CACUL1: variants seen among roughly 807,000 people sequenced by gnomAD.
The protein encoded by CACUL1 is CDK2-associated and cullin domain-containing protein 1.
Under a neutral mutation model 45.2 loss-of-function variants are expected in CACUL1, and 13 were observed. The ratio of observed to expected loss-of-function variants is 0.29; its 90% confidence interval spans 0.19 to 0.46. The LOEUF is 0.46. Ranked by LOEUF, CACUL1 falls within the 20% of genes least tolerant of loss-of-function variation. CACUL1 has a pLI of 1.00. For missense variants in CACUL1, 421 were observed against 471.4 expected, an observed-to-expected ratio of 0.89 and a Z score of 0.99; for synonymous variants, 197 against 174.2, an observed-to-expected ratio of 1.13 and a Z score of -1.03.
In CACUL1 at chr10:118,685,394, C is replaced by T. The variant is rs907683079; in HGVS notation, c.*734G>A. The stretch of plus-strand genomic sequence containing the variant: ...AATCCGACCCATGTGCAAAAGGTTT[C>T]TATTTTCCCACTTAATTAGCATCCT... On this transcript the variant is annotated 3_prime_UTR_variant, in exon 9 of 9. Transcript: ENST00000369151. 1 of 126,440 alleles carries T rather than the reference C, an allele frequency of 7.9e-6. No individual in the cohort carries two copies. Among genetic ancestry groups the T allele is most frequent in the Non-Finnish European group, 1.8e-5 (1 of 55,650 alleles). 7.8% of individuals were successfully genotyped at this position (126,440 alleles called of 1,614,324 possible). A position where few individuals can be genotyped will look rare whatever the true frequency, so the allele number is the denominator to read the frequency against.
intron 3 of CACUL1, among the ~76,000 whole-genome samples, chr10:118,715,805 G>A (rs1192945233): frequency 6.6e-6 from 1 of 152,132 alleles, no homozygotes; most frequent in Non-Finnish European, 1.5e-5. Flanking sequence ...ATAAGTAAGT[G>A]ACTTTTGCAT....
rs1845196718 is a variant in CACUL1 at position 118,685,628 on chromosome 10, C to T, written c.*500G>A. The T allele has an allele frequency of 6.6e-6, 1 of 152,596 alleles. No homozygotes were observed. The highest frequency in any genetic ancestry group is 2.1e-4 in the South Asian group (1 of 4,822). 9.5% of individuals were successfully genotyped at this position (152,596 alleles called of 1,614,324 possible). On this transcript the variant is annotated 3_prime_UTR_variant, in exon 9 of 9. Coordinates refer to ENST00000369151, the MANE Select transcript of CACUL1 (RefSeq NM_153810.5). The stretch of plus-strand genomic sequence containing the variant: ...AAGACTTTCTAATGCTAAACAAAGA[C>T]CAACTCTTTTAAAAGGGGTTGTTTT...
intron 1 of CACUL1, among the ~76,000 whole-genome samples, chr10:118,748,264 C>A (rs1438458420): frequency 1.3e-5 from 2 of 152,114 alleles, no homozygotes; most frequent in Non-Finnish European, 2.9e-5. Flanking sequence ...CCATTCTGTA[C>A]CTGGTAACCT....
intron 7 of CACUL1, 64 bp from the exon 8 acceptor site, chr10:118,686,705 C>T (rs941988764): frequency 8.9e-7 from 1 of 1,123,488 alleles, no homozygotes; most frequent in African/African-American, 1.5e-5. Context: ...AAAGGATCAA[C>T]ATATTTGATA....
intron 6 of CACUL1, 97 bp from the exon 7 acceptor site, chr10:118,691,500 A>G: frequency 9.0e-7 from 1 of 1,107,890 alleles, no homozygotes; most frequent in Non-Finnish European, 1.3e-6. Context: ...TAGTAAGCCA[A>G]ATTTAAGCAG....
intron 3 of CACUL1, among the ~76,000 whole-genome samples, chr10:118,722,080 C>CTTTTTTT (rs11358147): frequency 1.4e-5 from 2 of 140,518 alleles, no homozygotes. Flanking sequence ...CAGAAACAAA[C>CTTTTTTT]TTTTTTTTTT....
At position 118,682,366 on chromosome 10, in the gene CACUL1, AATCACAAAAATAATT is replaced by A. The variant is rs1845161609; in HGVS notation, c.*3747_*3761del. 6.6e-6 allele frequency: 1 copy of A among 152,274 alleles called. No homozygotes were observed. The allele number at this position is 152,274 out of a possible 1,614,324, so 9.4% of individuals were successfully genotyped here. ...TCAAGGGCAATGCTTCTTGCATAATAATCACAAAAATAATTAACTGCTATAAAACGGGAAAAAAAG... is the reference window on the plus strand; with the variant it reads ...TCAAGGGCAATGCTTCTTGCATAATAAACTGCTATAAAACGGGAAAAAAAG... On this transcript the variant is annotated 3_prime_UTR_variant, in exon 9 of 9. Transcript: ENST00000369151.
At chr10:118,693,274 C>T (rs1845289663) in intron 6 of CACUL1, 1 of 153,932 alleles carries the variant, frequency 6.5e-6, no homozygotes, top group Non-Finnish European at 1.4e-5. Flanking sequence ...CAAAATTCAA[C>T]TTTTAAAATA....
chr10:118,699,914 C>G (rs1329679563), intron 5 of CACUL1, among the ~76,000 whole-genome samples: 3 of 152,076 alleles, frequency 2.0e-5, no homozygotes, highest in East Asian at 3.9e-4. Flanking sequence ...TCCCAAAGCG[C>G]TGGGATTACA....
chr10:118,679,153 A>G lies in CACUL1; in HGVS notation c.*6975T>C, dbSNP rs7079716. ...GGCTCAAGCAATCCTCCTGCCTCAC[A>G]CCTTAGCCTCCAAATAACTAGGACT... On this transcript the variant is annotated 3_prime_UTR_variant, in exon 9 of 9. Transcript: ENST00000369151. The G allele has an allele frequency of 0.56, 85,527 of 151,926 alleles. 25,362 individuals carry two copies. Among genetic ancestry groups the G allele is most frequent in the Non-Finnish European group, 0.67 (45,592 of 67,990 alleles). 9.4% of individuals were successfully genotyped at this position (151,926 alleles called of 1,614,324 possible).
chr10:118,737,468 C>T (rs1845750876), intron 1 of CACUL1, among the ~76,000 whole-genome samples: 1 of 152,068 alleles, frequency 6.6e-6, no homozygotes, highest in South Asian at 2.1e-4. Flanking sequence ...ATGCTCCCTA[C>T]CCCATAACAA....
At chr10:118,720,933 C>T (rs61863913) in intron 3 of CACUL1, among the ~76,000 whole-genome samples, 13 of 152,148 alleles carry the variant, frequency 8.5e-5, no homozygotes, top group East Asian at 1.9e-4. Context: ...TAGATCTCCA[C>T]ATAACTTAGA....
intron 3 of CACUL1, among the ~76,000 whole-genome samples, chr10:118,724,937 G>A (rs945945696): frequency 1.3e-5 from 2 of 152,192 alleles, no homozygotes; most frequent in Non-Finnish European, 2.9e-5. Context: ...ACAGGCAAGT[G>A]TAGGTCCTAA....
intron 1 of CACUL1, among the ~76,000 whole-genome samples, chr10:118,741,793 A>T (rs1411662408): frequency 6.6e-6 from 1 of 152,204 alleles, no homozygotes; most frequent in Non-Finnish European, 1.5e-5. Flanking sequence ...TTACTACAGA[A>T]GAAAATCCTT....
intron 3 of CACUL1, among the ~76,000 whole-genome samples, chr10:118,728,087 AAC>A (rs1177220428): frequency 6.7e-6 from 1 of 150,132 alleles, no homozygotes; most frequent in East Asian, 1.9e-4. Flanking sequence ...ACTATGACAA[AAC>A]ACAGCTCTAT....
At position 118,678,262 on chromosome 10, in the gene CACUL1, A is replaced by C. The variant is rs977823102; in HGVS notation, c.*7866T>G. On this transcript the variant is annotated 3_prime_UTR_variant, in exon 9 of 9. Coordinates refer to ENST00000369151, the MANE Select transcript of CACUL1 (RefSeq NM_153810.5). ...TTGGCTTCTCTTTTCACTCTACAGC[A>C]TGTTTGGTAATAAGTACTTACAATC... is the stretch of plus-strand genomic sequence containing the variant. The C allele has an allele frequency of 1.3e-5, 2 of 152,208 alleles. No homozygotes were observed. The highest frequency in any genetic ancestry group is 2.9e-5 in the Non-Finnish European group (2 of 68,038). The allele number at this position is 152,208 out of a possible 1,614,324, so 9.4% of individuals were successfully genotyped here.
At chr10:118,689,180 G>A (rs918406734) in intron 7 of CACUL1, among the ~76,000 whole-genome samples, 1 of 152,206 alleles carries the variant, frequency 6.6e-6, no homozygotes, top group Non-Finnish European at 1.5e-5. Flanking sequence ...TCCTAATTAA[G>A]GCATTAAGTT....
chr10:118,704,588 C>A (rs1298987817), intron 4 of CACUL1, among the ~76,000 whole-genome samples: 1 of 152,212 alleles, frequency 6.6e-6, no homozygotes, highest in Non-Finnish European at 1.5e-5. Context: ...TTGACCCCCA[C>A]CCTTCACCTA....
intron 1 of CACUL1, among the ~76,000 whole-genome samples, chr10:118,753,226 G>A (rs1218002623): frequency 6.6e-6 from 1 of 152,190 alleles, no homozygotes; most frequent in East Asian, 1.9e-4. Flanking sequence ...GAGAAAAAGC[G>A]TATATAATCT....
Sources: gnomAD v4.1 joint callset for allele counts (sites outside exome capture counted in the v4.1 genomes callset) on GRCh38, gnomAD v4.1.1 for gene constraint, MANE v1.5 for transcripts, NCBI Gene and HGNC (gene_info 2026-07-23, HGNC 2026-07-21) for gene names.